RBFOX1: variants seen among roughly 807,000 people sequenced by gnomAD.
The protein encoded by RBFOX1 is RNA binding protein fox-1 homolog 1.
A neutral mutation model predicts 57.7 loss-of-function variants in RBFOX1; 8 were observed. The ratio of observed to expected loss-of-function variants is 0.14; its 90% CI spans 0.08 to 0.25. RBFOX1 has a LOEUF of 0.25. Among genes scored for constraint, RBFOX1 ranks in the 10% least tolerant of loss-of-function variants. The pLI is 1.00. For missense variants in RBFOX1, 611 were observed against 548.5 expected (o/e 1.11, Z -1.14); for synonymous variants, 326 against 222.4 (o/e 1.47, Z -4.15).
chr16:6,822,257 A>C (rs2091435607), intron 3 of RBFOX1, among the ~76,000 whole-genome samples: 1 of 152,184 alleles, frequency 6.6e-6, no homozygotes, highest in Non-Finnish European at 1.5e-5. Flanking sequence ...ATCAATGCTC[A>C]GTAGTCCCAC....
chr16:5,252,460 G>C (rs2062476910), intron 1 of RBFOX1, among the ~76,000 whole-genome samples: 1 of 152,230 alleles, frequency 6.6e-6, no homozygotes, highest in Non-Finnish European at 1.5e-5. Context: ...TCCGTGTGGG[G>C]GTTATCAGTG....
chr16:6,949,441 C>G (rs935906891), intron 3 of RBFOX1, among the ~76,000 whole-genome samples: 1 of 152,114 alleles, frequency 6.6e-6, no homozygotes, highest in Non-Finnish European at 1.5e-5. Flanking sequence ...GGCTGGGTTG[C>G]GTAAGCAACA....
At chr16:5,437,971 G>A (rs909372763) in intron 1 of RBFOX1, among the ~76,000 whole-genome samples, 5 of 152,186 alleles carry the variant, frequency 3.3e-5, no homozygotes, top group African/African-American at 1.2e-4. Flanking sequence ...AAAAAGAAAG[G>A]ATCTGACCAT....
intron 14 of RBFOX1, among the ~76,000 whole-genome samples, chr16:7,681,147 T>C (rs1308108938): frequency 6.6e-6 from 1 of 152,156 alleles, no homozygotes; most frequent in Non-Finnish European, 1.5e-5. Context: ...TCATAGAGGA[T>C]TTAGTCTTAT....
intron 1 of RBFOX1, among the ~76,000 whole-genome samples, chr16:5,330,251 A>G (rs1026033337): frequency 6.6e-6 from 1 of 152,146 alleles, no homozygotes; most frequent in Non-Finnish European, 1.5e-5. Context: ...CAGGATGCAA[A>G]CTCAGCGAAT....
chr16:7,201,209 C>T (rs575171518), intron 4 of RBFOX1, among the ~76,000 whole-genome samples: 1 of 152,156 alleles, frequency 6.6e-6, no homozygotes, highest in Non-Finnish European at 1.5e-5. Flanking sequence ...ATATGCACCT[C>T]TCAGGGAGAA....
intron 3 of RBFOX1, among the ~76,000 whole-genome samples, chr16:7,042,348 A>G (rs1336835797): frequency 6.6e-6 from 1 of 152,162 alleles, no homozygotes; most frequent in African/African-American, 2.4e-5. Context: ...AACTGTGTAC[A>G]ATGGTGATTC....
chr16:7,334,357 A>T (rs1293434995), intron 4 of RBFOX1, among the ~76,000 whole-genome samples: 2 of 152,126 alleles, frequency 1.3e-5, no homozygotes, highest in Non-Finnish European at 2.9e-5. Context: ...ACAGGCCGGT[A>T]TGATAAGGTT....
intron 3 of RBFOX1, among the ~76,000 whole-genome samples, chr16:5,711,804 C>T (rs1162460071): frequency 6.6e-6 from 1 of 152,162 alleles, no homozygotes; most frequent in African/African-American, 2.4e-5. Context: ...CTAAAGGACC[C>T]AGCACTTGAC....
At chr16:7,687,998 T>TAA (rs2076431088) in intron 14 of RBFOX1, among the ~76,000 whole-genome samples, 1 of 151,998 alleles carries the variant, frequency 6.6e-6, no homozygotes, top group Non-Finnish European at 1.5e-5. Flanking sequence ...GTATTTTATT[T>TAA]AAAAAACAAT....
intron 4 of RBFOX1, among the ~76,000 whole-genome samples, chr16:7,468,457 G>GTT (rs370402076): frequency 0.018 from 2,361 of 133,376 alleles, 74 homozygotes; most frequent in African/African-American, 0.058. Flanking sequence ...CTCGGAGGGT[G>GTT]TTTTTTTTTT....
At chr16:6,659,198 A>T (rs1162549657) in intron 3 of RBFOX1, among the ~76,000 whole-genome samples, 1 of 151,252 alleles carries the variant, frequency 6.6e-6, no homozygotes, top group Non-Finnish European at 1.5e-5. Flanking sequence ...AGGCTGATGG[A>T]TCAGTCAGGG....
intron 3 of RBFOX1, among the ~76,000 whole-genome samples, chr16:6,816,247 C>T (rs183977707): frequency 3.4e-4 from 52 of 152,130 alleles, no homozygotes; most frequent in African/African-American, 5.3e-4. Context: ...AGTTCAAGAC[C>T]GTAGTAAGCT....
chr16:5,902,207 T>C (rs1219462422), intron 4 of RBFOX1, among the ~76,000 whole-genome samples: 1 of 152,068 alleles, frequency 6.6e-6, no homozygotes, highest in South Asian at 2.1e-4. Flanking sequence ...AACAGACCCA[T>C]TAAGTACGAA....
chr16:6,655,706 A>T (rs1294474864), intron 3 of RBFOX1, among the ~76,000 whole-genome samples: 1 of 152,196 alleles, frequency 6.6e-6, no homozygotes, highest in African/African-American at 2.4e-5. Flanking sequence ...AAGAGGTCAA[A>T]TAAGCAAGTT....
chr16:6,202,322 C>T (rs2097220469), intron 1 of RBFOX1, among the ~76,000 whole-genome samples: 1 of 152,158 alleles, frequency 6.6e-6, no homozygotes, highest in African/African-American at 2.4e-5. Flanking sequence ...GACCTGATTG[C>T]TCTGAGAGAT....
intron 2 of RBFOX1, among the ~76,000 whole-genome samples, chr16:6,500,419 G>A (rs1017796740): frequency 6.6e-6 from 1 of 152,100 alleles, no homozygotes; most frequent in African/African-American, 2.4e-5. Flanking sequence ...ATATGATATT[G>A]TTAAGTCACA....
At chr16:6,379,794 C>G (rs966748486) in intron 2 of RBFOX1, among the ~76,000 whole-genome samples, 5 of 151,804 alleles carry the variant, frequency 3.3e-5, no homozygotes, top group African/African-American at 1.2e-4. Flanking sequence ...ACAGTCAGTT[C>G]CACTAAGTTT....
At chr16:7,362,045 T>A (rs922043660) in intron 4 of RBFOX1, among the ~76,000 whole-genome samples, 1 of 151,546 alleles carries the variant, frequency 6.6e-6, no homozygotes, top group African/African-American at 2.4e-5. Context: ...TGTTAGTGTG[T>A]GTGTTTTGTG....
Sources: gnomAD v4.1 joint callset for allele counts (sites outside exome capture counted in the v4.1 genomes callset) on GRCh38, gnomAD v4.1.1 for gene constraint, MANE v1.5 for transcripts, NCBI Gene and HGNC (gene_info 2026-07-23, HGNC 2026-07-21) for gene names.